Variants in NRXN1 observed in about 807,000 individuals in gnomAD.
The protein encoded by NRXN1 is neurexin-1.
NRXN1 carries 39 observed loss-of-function variants against 150.9 expected under a neutral mutation model. The ratio of observed to expected loss-of-function variants is 0.26; its 90% CI spans 0.20 to 0.34. The LOEUF (loss-of-function observed/expected upper bound fraction) is 0.34, where lower values mean the gene tolerates loss of function less well. Ranked by LOEUF, NRXN1 falls within the 10% of genes least tolerant of loss-of-function variation. The probability of loss-of-function intolerance (pLI) is 1.00; values close to 1 mark genes in which losing one functional copy is unlikely to be tolerated. For synonymous variants in NRXN1, 924 were observed against 757.0 expected (o/e 1.22, Z -3.62); for missense variants, 1,815 against 1,949.9 (o/e 0.93, Z 1.30).
chr2:50,438,425 ACTG>A (rs1197804900), intron 17 of NRXN1, among the ~76,000 whole-genome samples: 8 of 150,042 alleles, frequency 5.3e-5, no homozygotes, highest in Admixed American at 5.3e-4. Context: ...AAACCTTCTG[ACTG>A]CACTGGAACT....
chr2:50,985,662 A>T (rs983182912), intron 2 of NRXN1, among the ~76,000 whole-genome samples: 4 of 151,860 alleles, frequency 2.6e-5, no homozygotes, highest in Non-Finnish European at 5.9e-5. Context: ...TCAAATAAAA[A>T]GATAAACATA....
intron 17 of NRXN1, among the ~76,000 whole-genome samples, chr2:50,354,184 T>C (rs751327620): frequency 6.6e-6 from 1 of 152,164 alleles, no homozygotes; most frequent in Non-Finnish European, 1.5e-5. Flanking sequence ...AGATGTCTAT[T>C]ATATAAACCT....
chr2:50,639,611 G>A (rs540414194), intron 5 of NRXN1, among the ~76,000 whole-genome samples: 1 of 152,062 alleles, frequency 6.6e-6, no homozygotes, highest in South Asian at 2.1e-4. Context: ...TAAAATACAT[G>A]ACAGTCTATT....
intron 5 of NRXN1, among the ~76,000 whole-genome samples, chr2:50,673,037 A>T (rs1005802334): frequency 5.3e-5 from 8 of 152,080 alleles, no homozygotes; most frequent in African/African-American, 1.7e-4. Context: ...ACATATCTGC[A>T]TATATTACAA....
At chr2:50,445,725 T>C (rs564049368) in intron 17 of NRXN1, among the ~76,000 whole-genome samples, 2 of 152,294 alleles carry the variant, frequency 1.3e-5, no homozygotes, top group East Asian at 1.9e-4. Flanking sequence ...CAATGACATA[T>C]GAAAGGACTT....
At chr2:50,960,307 A>T (rs968899517) in intron 2 of NRXN1, among the ~76,000 whole-genome samples, 2 of 150,604 alleles carry the variant, frequency 1.3e-5, no homozygotes, top group African/African-American at 2.4e-5. Flanking sequence ...TTCTCTCCTC[A>T]TCCCTCCCTC....
At chr2:50,027,002 C>G (rs1308587384) in intron 21 of NRXN1, among the ~76,000 whole-genome samples, 2 of 150,668 alleles carry the variant, frequency 1.3e-5, no homozygotes, top group African/African-American at 4.9e-5. Flanking sequence ...CTGCTTCAGC[C>G]TCCCAAGTAG....
chr2:50,535,015 C>T (rs1337125255), intron 10 of NRXN1, among the ~76,000 whole-genome samples: 1 of 152,158 alleles, frequency 6.6e-6, no homozygotes, highest in Non-Finnish European at 1.5e-5. Flanking sequence ...CCCCGAGTGT[C>T]ATGTTAAATA....
chr2:50,594,817 C>T (rs1674879309), intron 8 of NRXN1, among the ~76,000 whole-genome samples: 1 of 152,106 alleles, frequency 6.6e-6, no homozygotes, highest in African/African-American at 2.4e-5. Context: ...CGTGTTTTTA[C>T]CTCTTGTCTT....
At chr2:50,370,500 T>TA (rs1437343148) in intron 17 of NRXN1, among the ~76,000 whole-genome samples, 1 of 151,812 alleles carries the variant, frequency 6.6e-6, no homozygotes, top group East Asian at 1.9e-4. Flanking sequence ...TATGTATCTA[T>TA]AAAAAAAACA....
chr2:50,602,223 T>C (rs1048387100), intron 8 of NRXN1, among the ~76,000 whole-genome samples: 3 of 152,072 alleles, frequency 2.0e-5, no homozygotes, highest in African/African-American at 4.8e-5. Flanking sequence ...ACAGCACACA[T>C]GTACTATATT....
At chr2:50,242,383 A>G (rs553433388) in intron 17 of NRXN1, among the ~76,000 whole-genome samples, 1 of 151,950 alleles carries the variant, frequency 6.6e-6, no homozygotes, top group Non-Finnish European at 1.5e-5. Flanking sequence ...AAACTGATGA[A>G]ACAGAATCTT....
At chr2:50,340,058 C>T (rs2077448825) in intron 17 of NRXN1, among the ~76,000 whole-genome samples, 2 of 152,146 alleles carry the variant, frequency 1.3e-5, no homozygotes, top group South Asian at 4.1e-4. Context: ...TGTACAGTGG[C>T]TATATATTAA....
intron 19 of NRXN1, among the ~76,000 whole-genome samples, chr2:50,080,559 A>C (rs1441111349): frequency 6.6e-6 from 1 of 152,116 alleles, no homozygotes; most frequent in African/African-American, 2.4e-5. Flanking sequence ...TCACTGAGAG[A>C]CCTTTCCAAA....
At chr2:50,061,055 T>C (rs1694453023) in intron 19 of NRXN1, among the ~76,000 whole-genome samples, 1 of 152,184 alleles carries the variant, frequency 6.6e-6, no homozygotes, top group Admixed American at 6.5e-5. Flanking sequence ...CCTATATTTT[T>C]CCTTTACCTC....
intron 5 of NRXN1, among the ~76,000 whole-genome samples, chr2:50,652,343 A>G (rs889082823): frequency 1.1e-4 from 16 of 152,026 alleles, no homozygotes; most frequent in Non-Finnish European, 2.1e-4. Context: ...ATTTTACAAC[A>G]TTTTCATTGC....
chr2:50,396,429 T>C (rs2082054431), intron 17 of NRXN1, among the ~76,000 whole-genome samples: 1 of 152,180 alleles, frequency 6.6e-6, no homozygotes, highest in Non-Finnish European at 1.5e-5. Context: ...TAGCAAACAA[T>C]ATGAATCATC....
intron 17 of NRXN1, among the ~76,000 whole-genome samples, chr2:50,420,878 T>C (rs764593108): frequency 2.0e-5 from 3 of 151,604 alleles, no homozygotes; most frequent in African/African-American, 4.8e-5. Context: ...ATATTAATAA[T>C]TAATACCAGT....
In NRXN1 at chr2:50,663,162, G is replaced by A. The variant is rs367833566; in HGVS notation, c.833-39547C>T. Among the ~76,000 whole-genome samples, 42 of 152,060 alleles carry A rather than the reference G, an allele frequency of 2.8e-4. No individual in the cohort carries two copies. In the South Asian group the frequency reaches 7.9e-3, roughly 29 times the overall value. On this transcript the variant is annotated intron_variant, in intron 5 of 22. Transcript: ENST00000401669. ...GCTATTGTGCTCTTTGACTTAAACC[G>A]TTCATCATGTCCTTTTGCTCATTGA... is the stretch of plus-strand genomic sequence containing the variant.
Sources: gnomAD v4.1 joint callset for allele counts (sites outside exome capture counted in the v4.1 genomes callset) on GRCh38, gnomAD v4.1.1 for gene constraint, MANE v1.5 for transcripts, NCBI Gene and HGNC (gene_info 2026-07-23, HGNC 2026-07-21) for gene names.